The following ATF6 variants were observed in gnomAD, a reference collection of about 807,000 sequenced individuals.
ATF6 encodes the protein activating transcription factor 6.
Under a neutral mutation model 83.6 loss-of-function variants are expected in ATF6, and 53 were observed. That is an observed-to-expected ratio of 0.63 (90% CI 0.51 to 0.80). The LOEUF (loss-of-function observed/expected upper bound fraction) is 0.80. ATF6 is among the 30% of genes least tolerant of loss of function. The pLI, the probability that ATF6 is intolerant of heterozygous loss-of-function variation, is 0.00. For synonymous variants in ATF6, 288 were observed against 285.8 expected (o/e 1.01, Z -0.08); for missense variants, 744 against 797.9 (o/e 0.93, Z 0.81).
At chr1:161,883,360 T>G (rs1013584943) in intron 14 of ATF6, among the ~76,000 whole-genome samples, 2 of 152,036 alleles carry the variant, frequency 1.3e-5, no homozygotes, top group Non-Finnish European at 2.9e-5. Flanking sequence ...TTTTAAATAT[T>G]TCCTGTATTG....
intron 1 of ATF6, among the ~76,000 whole-genome samples, chr1:161,776,149 A>G (rs1157254621): frequency 6.6e-6 from 1 of 152,202 alleles, no homozygotes; most frequent in East Asian, 1.9e-4. Flanking sequence ...AAGGCAAAAG[A>G]TTCATTCGTT....
intron 8 of ATF6, 125 bp downstream of exon 8, chr1:161,819,943 A>G (rs1213720163): frequency 2.1e-5 from 19 of 906,478 alleles, no homozygotes; most frequent in Admixed American, 3.6e-5. Context: ...GGAGGGTATA[A>G]TAAGTCCTAA....
At chr1:161,924,466 T>G (rs1571240559) in intron 15 of ATF6, among the ~76,000 whole-genome samples, 1 of 152,208 alleles carries the variant, frequency 6.6e-6, no homozygotes, top group East Asian at 1.9e-4. Context: ...AATTATATGT[T>G]CCTGTGTTAA....
At chr1:161,783,954 G>T in intron 3 of ATF6, 36 bp from the exon 4 acceptor site, 1 of 1,342,810 alleles carries the variant, frequency 7.4e-7, no homozygotes, top group Non-Finnish European at 1.1e-6. Flanking sequence ...AGTTTTTATT[G>T]TCCAGTGGGT....
intron 14 of ATF6, among the ~76,000 whole-genome samples, chr1:161,896,146 C>T (rs150101168): frequency 7.2e-5 from 11 of 152,296 alleles, no homozygotes; most frequent in Non-Finnish European, 1.5e-4. Flanking sequence ...CTCATTCTGT[C>T]GCCCAGGCTG....
At chr1:161,919,522 G>T (rs931438010) in intron 15 of ATF6, among the ~76,000 whole-genome samples, 1 of 152,128 alleles carries the variant, frequency 6.6e-6, no homozygotes, top group Admixed American at 6.5e-5. Flanking sequence ...TTAGTGATAT[G>T]TTTGTTTTTT....
intron 7 of ATF6, among the ~76,000 whole-genome samples, chr1:161,804,419 G>A (rs1202105649): frequency 1.3e-5 from 2 of 152,092 alleles, no homozygotes; most frequent in African/African-American, 2.4e-5. Context: ...AGGATGGGGA[G>A]AGTATCTAGA....
At chr1:161,942,187 G>A (rs12047757) in intron 15 of ATF6, among the ~76,000 whole-genome samples, 1 of 152,270 alleles carries the variant, frequency 6.6e-6, no homozygotes, top group South Asian at 2.1e-4. Context: ...GGTGTTAGAA[G>A]CATTAACTCC....
intron 13 of ATF6, among the ~76,000 whole-genome samples, chr1:161,862,635 G>T (rs1686908823): frequency 6.6e-6 from 1 of 152,144 alleles, no homozygotes; most frequent in South Asian, 2.1e-4. Flanking sequence ...TCCTACAAGG[G>T]TTGTGTGGTT....
intron 7 of ATF6, among the ~76,000 whole-genome samples, chr1:161,803,847 T>TG (rs1337463556): frequency 1.3e-5 from 2 of 152,110 alleles, no homozygotes; most frequent in Non-Finnish European, 2.9e-5. Flanking sequence ...TTTCTTTTTT[T>TG]TTGTTTTATT....
intron 15 of ATF6, among the ~76,000 whole-genome samples, chr1:161,913,205 A>G (rs1688026359): frequency 6.6e-6 from 1 of 152,216 alleles, no homozygotes; most frequent in Non-Finnish European, 1.5e-5. Flanking sequence ...CACATAATGT[A>G]GGTACTAGTA....
intron 11 of ATF6, among the ~76,000 whole-genome samples, chr1:161,852,418 G>C (rs1248472514): frequency 2.6e-5 from 4 of 152,014 alleles, no homozygotes; most frequent in Non-Finnish European, 5.9e-5. Flanking sequence ...TGAAAAATTT[G>C]AATTTTTTTT....
intron 15 of ATF6, among the ~76,000 whole-genome samples, chr1:161,926,381 AGATTGAAGTCAAGC>A (rs1225014236): frequency 1.3e-5 from 2 of 152,008 alleles, no homozygotes; most frequent in African/African-American, 4.8e-5. Context: ...ATCTCTCTTG[AGATTGAAGTCAAGC>A]TGTTGACTGG....
intron 4 of ATF6, among the ~76,000 whole-genome samples, chr1:161,786,239 C>T (rs1684746397): frequency 6.6e-6 from 1 of 152,108 alleles, no homozygotes; most frequent in Non-Finnish European, 1.5e-5. Context: ...CCTGCCTCGG[C>T]CCCCCAAAGT....
intron 15 of ATF6, among the ~76,000 whole-genome samples, chr1:161,932,568 T>G (rs1688455213): frequency 6.6e-6 from 1 of 152,374 alleles, no homozygotes; most frequent in East Asian, 1.9e-4. Flanking sequence ...GATTAGCTAC[T>G]ATTAAGAATT....
intron 9 of ATF6, among the ~76,000 whole-genome samples, chr1:161,841,493 G>A (rs527715895): frequency 2.3e-3 from 355 of 152,148 alleles, no homozygotes; most frequent in South Asian, 0.011. Context: ...ACAAACAAGT[G>A]AAAAACGTTA....
chr1:161,940,249 A>G (rs4657126), intron 15 of ATF6, among the ~76,000 whole-genome samples: 95,788 of 152,036 alleles, frequency 0.63, 31,972 homozygotes, highest in Non-Finnish European at 0.75. Flanking sequence ...CATCAGATCT[A>G]TCTTCCACAT....
Position 161,854,828 on chromosome 1 carries a change from C to T in ATF6, c.1533+1505C>T, listed in dbSNP as rs894456901. Among the ~76,000 whole-genome samples the T allele has an allele frequency of 5.9e-5, 9 of 151,378 alleles. No homozygotes were observed. In the East Asian group the frequency reaches 1.2e-3, roughly 20 times the overall value. ...CGGAGCTTGGAGTGAGCCGAGATCA[C>T]GCAGTCCAGCCTGGGTGACAAAGCG... is the stretch of plus-strand genomic sequence containing the variant. On this transcript the variant is annotated intron_variant, in intron 12 of 15. Transcript: ENST00000367942.
intron 9 of ATF6, among the ~76,000 whole-genome samples, chr1:161,835,705 A>T (rs1296208124): frequency 6.6e-6 from 1 of 152,194 alleles, no homozygotes; most frequent in African/African-American, 2.4e-5. Context: ...GAGGACATTT[A>T]TGGACCTCTG....
Sources: allele counts gnomAD v4.1 joint callset (sites outside exome capture counted in the v4.1 genomes callset), GRCh38; gene constraint gnomAD v4.1.1; transcripts MANE v1.5; gene names NCBI Gene and HGNC (gene_info 2026-07-23, HGNC 2026-07-21).